BRINP3: variants seen among roughly 807,000 people sequenced by gnomAD.
The protein encoded by BRINP3 is BMP/retinoic acid-inducible neural-specific protein 3.
A neutral mutation model predicts 71.0 loss-of-function variants in BRINP3; 19 were observed. The ratio of observed to expected loss-of-function variants is 0.27; its 90% CI spans 0.19 to 0.39. The LOEUF (loss-of-function observed/expected upper bound fraction) is 0.39, where lower values mean the gene tolerates loss of function less well. Among genes scored for constraint, BRINP3 ranks in the 10% least tolerant of loss-of-function variants. The probability of loss-of-function intolerance (pLI) is 1.00; values close to 1 mark genes in which losing one functional copy is unlikely to be tolerated. For missense variants in BRINP3, 959 were observed against 940.8 expected (o/e 1.02, Z -0.25); for synonymous variants, 380 against 337.7 (o/e 1.13, Z -1.37).
chr1:190,448,433 CTTTT>C (rs972604661), intron 2 of BRINP3, among the ~76,000 whole-genome samples: 1 of 148,968 alleles, frequency 6.7e-6, no homozygotes, highest in Non-Finnish European at 1.5e-5. Flanking sequence ...TTTAAATAAT[CTTTT>C]TTCTTAACAC....
At chr1:190,440,621 A>C (rs2102554420) in intron 2 of BRINP3, among the ~76,000 whole-genome samples, 1 of 152,102 alleles carries the variant, frequency 6.6e-6, no homozygotes, top group African/African-American at 2.4e-5. Flanking sequence ...AAGGCTGATA[A>C]AATTTTATAC....
At position 190,098,347 on chromosome 1, in the gene BRINP3, G is replaced by C; in HGVS notation, c.1972C>G (p.Leu658Val). The C allele has an allele frequency of 6.2e-7, 1 of 1,614,120 alleles. No homozygotes were observed. Among genetic ancestry groups the C allele is most frequent in the Non-Finnish European group, 8.5e-7 (1 of 1,180,036 alleles). The change falls in exon 8 of 8, where the codon CTG (leucine) becomes GTG (valine). Residue 658 changes from leucine to valine, a missense_variant. By Grantham distance (32) the Leu-to-Val change is conservative (BLOSUM62 1). Transcript: ENST00000367462. The part of the protein sequence containing the change: ...PLEFIDPSRN[L>V]GYMKINNIQV... Reference sequence around the variant, plus strand: ...ATGTTATTGATTTTCATATAGCCCAGGTTCCGGGAAGGGTCAATAAACTCC... The same window carrying C: ...ATGTTATTGATTTTCATATAGCCCACGTTCCGGGAAGGGTCAATAAACTCC...
intron 7 of BRINP3, among the ~76,000 whole-genome samples, chr1:190,127,449 C>T (rs1226928370): frequency 2.6e-5 from 4 of 151,818 alleles, no homozygotes; most frequent in African/African-American, 9.7e-5. Context: ...AATCAAATGT[C>T]AGTTCTACCA....
intron 1 of BRINP3, among the ~76,000 whole-genome samples, chr1:190,461,186 C>T (rs1157767973): frequency 6.6e-6 from 1 of 152,160 alleles, no homozygotes; most frequent in Non-Finnish European, 1.5e-5. Context: ...CTATCCATAT[C>T]TTTCTTATGT....
chr1:190,317,839 G>A (rs1665987499), intron 2 of BRINP3, among the ~76,000 whole-genome samples: 1 of 151,970 alleles, frequency 6.6e-6, no homozygotes, highest in African/African-American at 2.4e-5. Context: ...GAGTAGAATT[G>A]TTCATCCATG....
chr1:190,364,081 T>A (rs1422945045), intron 2 of BRINP3, among the ~76,000 whole-genome samples: 1 of 152,086 alleles, frequency 6.6e-6, no homozygotes, highest in Non-Finnish European at 1.5e-5. Flanking sequence ...AAGTAGTATC[T>A]CTGATAAAAT....
chr1:190,397,469 C>T (rs1571946998), intron 2 of BRINP3, among the ~76,000 whole-genome samples: 2 of 152,026 alleles, frequency 1.3e-5, no homozygotes, highest in Non-Finnish European at 2.9e-5. Context: ...CTTATTTTAT[C>T]TACCCACCCT....
chr1:190,284,862 T>C (rs1176846811), intron 2 of BRINP3, among the ~76,000 whole-genome samples: 4 of 151,838 alleles, frequency 2.6e-5, no homozygotes, highest in Non-Finnish European at 2.9e-5. Flanking sequence ...TAAAGAAAAA[T>C]ATTTTCTTAA....
intron 2 of BRINP3, among the ~76,000 whole-genome samples, chr1:190,419,858 G>A (rs543865134): frequency 5.3e-4 from 78 of 147,040 alleles, no homozygotes; most frequent in African/African-American, 1.9e-3. Flanking sequence ...AAGAATCCCT[G>A]ATTAGAAAAA....
intron 6 of BRINP3, among the ~76,000 whole-genome samples, chr1:190,176,732 A>T (rs1013314146): frequency 2.0e-5 from 3 of 152,098 alleles, no homozygotes; most frequent in Non-Finnish European, 2.9e-5. Flanking sequence ...TAAAGCTGTC[A>T]AGGTTTTAAA....
chr1:190,305,661 G>A (rs1312154853), intron 2 of BRINP3, among the ~76,000 whole-genome samples: 1 of 151,602 alleles, frequency 6.6e-6, no homozygotes, highest in East Asian at 1.9e-4. Flanking sequence ...AAGTTCTGAT[G>A]TTCTATTGCA....
At chr1:190,323,751 A>G (rs1666402293) in intron 2 of BRINP3, among the ~76,000 whole-genome samples, 1 of 151,962 alleles carries the variant, frequency 6.6e-6, no homozygotes, top group Non-Finnish European at 1.5e-5. Context: ...ATAGGTGCAC[A>G]ATTACTGCAA....
At chr1:190,459,908 T>C (rs182339040) in intron 1 of BRINP3, among the ~76,000 whole-genome samples, 41 of 152,122 alleles carry the variant, frequency 2.7e-4, no homozygotes, top group African/African-American at 9.6e-4. Flanking sequence ...GTTTTCTTTT[T>C]TTTCTACCAT....
chr1:190,260,505 T>C (rs1163507794), intron 4 of BRINP3, among the ~76,000 whole-genome samples: 3 of 152,172 alleles, frequency 2.0e-5, no homozygotes, highest in East Asian at 1.9e-4. Context: ...ATGGTCCATA[T>C]GCATATTTTC....
At chr1:190,475,085 C>G (rs1677414691) in intron 1 of BRINP3, among the ~76,000 whole-genome samples, 1 of 152,180 alleles carries the variant, frequency 6.6e-6, no homozygotes, top group Non-Finnish European at 1.5e-5. Context: ...CTTCCGCTCT[C>G]CCCACCGCCC....
rs906851987 is a variant in BRINP3, at chr1:190,456,084, C to T, written c.-50-1144G>A. Among the ~76,000 whole-genome samples, 11 of 152,212 alleles carry T rather than the reference C, an allele frequency of 7.2e-5. No homozygotes were observed. In the South Asian group the frequency reaches 2.3e-3, roughly 32 times the overall value. On this transcript the variant is annotated intron_variant, in intron 1 of 7. Transcript: ENST00000367462. ...CTTTAGAAAAAAAGATTAAGATTTACAGTATTAAGATATATCAGTAATAGT... is the reference window on the plus strand; with the variant it reads ...CTTTAGAAAAAAAGATTAAGATTTATAGTATTAAGATATATCAGTAATAGT...
rs201785882 is a variant in BRINP3 at position 190,264,965 on chromosome 1, G to A, written c.518C>T (p.Thr173Ile). 1 of 1,612,800 alleles carries A rather than the reference G, an allele frequency of 6.2e-7. No individual in the cohort carries two copies. Among genetic ancestry groups the A allele is most frequent in the South Asian group, 1.1e-5 (1 of 90,942 alleles). Residue 173 changes from threonine to isoleucine, a missense_variant, in exon 4 of 8, where the codon ACT becomes ATT. Physicochemically the swap from Thr to Ile is moderately conservative, Grantham distance 89. Transcript: ENST00000367462. ...SDSTTNSSSV[T>I]LETLHQLAAS... ...GGCTAGCTGATGTAGCGTCTCCAGA[G>A]TGACCGAAGAGCTATTGGTGGTGGA...
intron 2 of BRINP3, among the ~76,000 whole-genome samples, chr1:190,300,669 T>G (rs2102994468): frequency 6.6e-6 from 1 of 152,108 alleles, no homozygotes; most frequent in Middle Eastern, 3.4e-3. Flanking sequence ...AGGGGCAGAC[T>G]GACACCTCAC....
chr1:190,398,553 T>C (rs1168645755), intron 2 of BRINP3, among the ~76,000 whole-genome samples: 1 of 151,986 alleles, frequency 6.6e-6, no homozygotes, highest in Non-Finnish European at 1.5e-5. Flanking sequence ...ATTTCTATCA[T>C]ATTATCCTTA....
Sources: gnomAD v4.1 joint callset for allele counts (sites outside exome capture counted in the v4.1 genomes callset) on GRCh38, gnomAD v4.1.1 for gene constraint, MANE v1.5 for transcripts, NCBI Gene and HGNC (gene_info 2026-07-23, HGNC 2026-07-21) for gene names.